Variants in UNC13C observed in about 807,000 individuals in gnomAD.
UNC13C encodes the protein protein unc-13 homolog C.
Under a neutral mutation model 245.4 loss-of-function variants are expected in UNC13C, and 174 were observed. That is an observed-to-expected ratio of 0.71 (90% confidence interval 0.63 to 0.80). UNC13C has a LOEUF of 0.80. Ranked by LOEUF, UNC13C falls within the 30% of genes least tolerant of loss-of-function variation. UNC13C has a pLI of 0.00. For missense variants in UNC13C, 2,829 were observed against 2,602.9 expected (o/e 1.09, Z -1.89); for synonymous variants, 992 against 895.1 (o/e 1.11, Z -1.93).
At chr15:54,300,428 G>C (rs2037549462) in intron 13 of UNC13C, 55 bp downstream of exon 13, 12 of 1,460,770 alleles carry the variant, frequency 8.2e-6, no homozygotes, top group South Asian at 1.4e-5. Context: ...TATAAAGAAA[G>C]AAAGGAGCGT....
intron 14 of UNC13C, among the ~76,000 whole-genome samples, chr15:54,325,788 A>T (rs377089162): frequency 6.6e-6 from 1 of 152,138 alleles, no homozygotes; most frequent in African/African-American, 2.4e-5. Context: ...GAGGAAACAG[A>T]CTATTCTTTC....
intron 13 of UNC13C, among the ~76,000 whole-genome samples, chr15:54,308,420 A>T (rs1365140679): frequency 1.3e-5 from 2 of 151,936 alleles, no homozygotes; most frequent in Non-Finnish European, 2.9e-5. Flanking sequence ...TATATACAAC[A>T]TGATGTTTTG....
chr15:53,881,145 T>A, the UNC13C span, among the ~76,000 whole-genome samples: 1 of 152,098 alleles, frequency 6.6e-6, no homozygotes, highest in Admixed American at 6.6e-5. Context: ...ATTGTGTGTG[T>A]GTGTGTACAT....
chr15:54,013,589 G>T lies in UNC13C; in HGVS notation c.686G>T (p.Gly229Val). The change falls in exon 2 of 33, where the codon GGG (glycine) becomes GTG (valine). Residue 229 changes from glycine to valine, a missense_variant. Physicochemically the swap from Gly to Val is moderately radical, Grantham distance 109. Coordinates refer to ENST00000260323, the MANE Select transcript of UNC13C (RefSeq NM_001080534.3). ...CCAAAGACAAATGCCCTGGAGCCAG[G>T]GTTCAGTTCCTCTGGCTGCATTAGC... ...RNPKTNALEP[G>V]FSSSGCISQT... 1.9e-6 allele frequency: 3 copies of T among 1,613,598 alleles called. No homozygotes were observed. Among genetic ancestry groups the T allele is most frequent in the Non-Finnish European group, 2.5e-6 (3 of 1,179,718 alleles).
intron 4 of UNC13C, 141 bp downstream of exon 4, chr15:54,143,825 A>G (rs2032135676): frequency 1.7e-6 from 1 of 572,828 alleles, no homozygotes; most frequent in Non-Finnish European, 3.0e-6. Flanking sequence ...AGTTGACATT[A>G]TAGTGTTTTC....
At chr15:53,845,727 T>G in the UNC13C span, among the ~76,000 whole-genome samples, 1 of 152,304 alleles carries the variant, frequency 6.6e-6, no homozygotes, top group Middle Eastern at 3.4e-3. Flanking sequence ...GAAGTGGTAC[T>G]GTTTTATGAA....
chr15:53,891,861 T>C, the UNC13C span, among the ~76,000 whole-genome samples: 109 of 152,360 alleles, frequency 7.2e-4, no homozygotes, highest in African/African-American at 2.5e-3. Flanking sequence ...CCCATTAACA[T>C]TTAAAGTTAA....
intron 4 of UNC13C, among the ~76,000 whole-genome samples, chr15:54,165,691 T>C (rs997085204): frequency 6.6e-6 from 1 of 152,162 alleles, no homozygotes; most frequent in Admixed American, 6.5e-5. Context: ...TTATTGTATG[T>C]AATGTGTTTT....
At chr15:54,140,011 A>G (rs571803666) in intron 2 of UNC13C, among the ~76,000 whole-genome samples, 2 of 152,222 alleles carry the variant, frequency 1.3e-5, no homozygotes, top group Non-Finnish European at 2.9e-5. Flanking sequence ...GGGTTTCTTA[A>G]TTATATTTTG....
At chr15:54,212,152 A>T (rs1186194048) in intron 4 of UNC13C, among the ~76,000 whole-genome samples, 1 of 152,054 alleles carries the variant, frequency 6.6e-6, no homozygotes, top group African/African-American at 2.4e-5. Flanking sequence ...TTACAAACAA[A>T]CTTGACATGT....
intron 29 of UNC13C, among the ~76,000 whole-genome samples, chr15:54,562,513 C>A (rs999953416): frequency 6.6e-6 from 1 of 151,980 alleles, no homozygotes; most frequent in Non-Finnish European, 1.5e-5. Flanking sequence ...TTCCGGCCAC[C>A]ACTTAATAGC....
chr15:54,480,416 CTT>C (rs58297037), intron 19 of UNC13C, among the ~76,000 whole-genome samples: 2 of 142,498 alleles, frequency 1.4e-5, no homozygotes. Context: ...TTTTTTTACT[CTT>C]TTTTTTTTTT....
intron 17 of UNC13C, among the ~76,000 whole-genome samples, chr15:54,387,549 T>C (rs2039864803): frequency 6.6e-6 from 1 of 152,120 alleles, no homozygotes; most frequent in Admixed American, 6.6e-5. Context: ...AGTGGGATCA[T>C]AACCCCACTG....
At position 54,193,408 on chromosome 15, in the gene UNC13C, C is replaced by T. The variant is rs558347392; in HGVS notation, c.3072-41622C>T. 1.3e-4 allele frequency among the ~76,000 whole-genome samples: 20 copies of T among 152,264 alleles called. No homozygotes were observed. In the South Asian group the frequency reaches 4.1e-3, roughly 32 times the overall value. ...TGACATCTCCTCATTTAGGAAATAG[C>T]TTCTTTCTTTCAAAAGTTTATCCTT... On this transcript the variant is annotated intron_variant, in intron 4 of 32. Transcript: ENST00000260323.
At chr15:53,876,081 T>C in the UNC13C span, among the ~76,000 whole-genome samples, 2 of 152,236 alleles carry the variant, frequency 1.3e-5, no homozygotes, top group African/African-American at 2.4e-5. Context: ...CTCTCCTGTT[T>C]AAGATAAAAT....
At chr15:54,339,041 T>A (rs1013420359) in intron 17 of UNC13C, among the ~76,000 whole-genome samples, 2 of 152,206 alleles carry the variant, frequency 1.3e-5, no homozygotes, top group African/African-American at 2.4e-5. Flanking sequence ...TAATTTTTTT[T>A]ATATTTAATA....
At chr15:54,547,746 T>C (rs1196483016) in intron 27 of UNC13C, among the ~76,000 whole-genome samples, 3 of 152,212 alleles carry the variant, frequency 2.0e-5, no homozygotes, top group Non-Finnish European at 4.4e-5. Context: ...GCCATGAATG[T>C]GTGCTTTAAT....
At chr15:54,244,954 A>C (rs879323182) in intron 7 of UNC13C, among the ~76,000 whole-genome samples, 4 of 152,090 alleles carry the variant, frequency 2.6e-5, no homozygotes, top group Non-Finnish European at 4.4e-5. Context: ...AATACACTTT[A>C]TTTCTTTCTC....
intron 30 of UNC13C, among the ~76,000 whole-genome samples, chr15:54,608,462 A>G (rs183649632): frequency 2.0e-5 from 3 of 152,308 alleles, no homozygotes; most frequent in African/African-American, 7.2e-5. Context: ...AATATCTTCC[A>G]GTAGAGTTAT....
Sources: gnomAD v4.1 joint callset for allele counts (sites outside exome capture counted in the v4.1 genomes callset) on GRCh38, gnomAD v4.1.1 for gene constraint, MANE v1.5 for transcripts, NCBI Gene and HGNC (gene_info 2026-07-23, HGNC 2026-07-21) for gene names.